Variants in CDH8 observed in about 807,000 individuals in gnomAD.
The protein encoded by CDH8 is cadherin 8.
In CDH8, 17 loss-of-function variants were observed where a neutral mutation model predicts 68.1. The observed-to-expected ratio is 0.25, with a 90% CI of 0.17 to 0.37. The LOEUF is 0.37. Among genes scored for constraint, CDH8 ranks in the 10% least tolerant of loss-of-function variants. CDH8 has a pLI of 1.00. For synonymous variants in CDH8, 372 were observed against 365.1 expected (o/e 1.02, Z -0.21); for missense variants, 763 against 999.3 (o/e 0.76, Z 3.19).
intron 8 of CDH8, among the ~76,000 whole-genome samples, chr16:61,772,020 G>A (rs1464225185): frequency 6.6e-6 from 1 of 151,888 alleles, no homozygotes; most frequent in African/African-American, 2.4e-5. Flanking sequence ...TGAGTGGGCA[G>A]CAGGAGCACT....
At chr16:61,992,430 G>A (rs1965741803) in intron 2 of CDH8, among the ~76,000 whole-genome samples, 1 of 132,956 alleles carries the variant, frequency 7.5e-6, no homozygotes, top group African/African-American at 2.9e-5. Context: ...ATCACCCTCT[G>A]GGGACTGTTG....
chr16:62,002,668 A>AT (rs982178104), intron 2 of CDH8, among the ~76,000 whole-genome samples: 2 of 152,192 alleles, frequency 1.3e-5, no homozygotes, highest in African/African-American at 4.8e-5. Flanking sequence ...AAAATACCCC[A>AT]TTTTTTATAA....
intron 8 of CDH8, among the ~76,000 whole-genome samples, chr16:61,733,383 T>C (rs1007699219): frequency 7.2e-5 from 11 of 151,870 alleles, no homozygotes; most frequent in Admixed American, 3.3e-4. Flanking sequence ...AAGTAAACAG[T>C]GACTTTTTGC....
At chr16:62,001,444 A>T (rs946321648) in intron 2 of CDH8, among the ~76,000 whole-genome samples, 1 of 152,140 alleles carries the variant, frequency 6.6e-6, no homozygotes, top group Admixed American at 6.5e-5. Context: ...ATGTGTGGAT[A>T]TCAACCTGCT....
intron 2 of CDH8, among the ~76,000 whole-genome samples, chr16:61,988,259 G>A (rs905825146): frequency 3.3e-5 from 5 of 152,164 alleles, no homozygotes; most frequent in South Asian, 4.1e-4. Context: ...GCAACACTCC[G>A]TACAGAAAGA....
intron 10 of CDH8, among the ~76,000 whole-genome samples, chr16:61,668,468 T>C (rs919054339): frequency 1.3e-5 from 2 of 152,054 alleles, no homozygotes; most frequent in South Asian, 4.1e-4. Flanking sequence ...AAGACTAATA[T>C]TACTTTCATT....
chr16:61,923,958 C>G (rs1023448299), intron 2 of CDH8, among the ~76,000 whole-genome samples: 1 of 150,582 alleles, frequency 6.6e-6, no homozygotes, highest in Non-Finnish European at 1.5e-5. Context: ...GTATCAGAAT[C>G]ATAAGTAAAA....
intron 3 of CDH8, among the ~76,000 whole-genome samples, chr16:61,886,646 T>C (rs1319366775): frequency 6.6e-6 from 1 of 152,194 alleles, no homozygotes; most frequent in Non-Finnish European, 1.5e-5. Context: ...TCTCTCACTT[T>C]TTCTTGTCTT....
chr16:61,817,088 A>C (rs1962092128), intron 7 of CDH8, among the ~76,000 whole-genome samples: 1 of 152,196 alleles, frequency 6.6e-6, no homozygotes, highest in African/African-American at 2.4e-5. Flanking sequence ...CAAAAGAGAC[A>C]GAGGACAAAC....
chr16:61,846,754 A>C (rs1962814358), intron 4 of CDH8, among the ~76,000 whole-genome samples: 1 of 152,174 alleles, frequency 6.6e-6, no homozygotes, highest in Non-Finnish European at 1.5e-5. Flanking sequence ...ATTTGTGATC[A>C]ATAAATGGTA....
intron 9 of CDH8, among the ~76,000 whole-genome samples, chr16:61,716,771 C>T (rs1964738960): frequency 6.6e-6 from 1 of 151,718 alleles, no homozygotes; most frequent in African/African-American, 2.4e-5. Context: ...TTTGACACTT[C>T]AAAACAGATA....
At position 61,649,976 on chromosome 16, in the gene CDH8, C is replaced by T. The variant is rs974443338; in HGVS notation, c.*3632G>A. On this transcript the variant is annotated 3_prime_UTR_variant, in exon 12 of 12. Coordinates refer to ENST00000577390, the MANE Select transcript of CDH8 (RefSeq NM_001796.5). ...ATTTGTATCTTTCTAAGCATTCTTG[C>T]TTCACTGGTGATACCAGTAAATCTA... The T allele has an allele frequency of 7.9e-5, 12 of 152,160 alleles. No individual in the cohort carries two copies. The East Asian group carries it at 2.3e-3, about 30-fold the overall frequency. The allele number at this position is 152,160 out of a possible 1,614,324, so 9.4% of individuals were successfully genotyped here. A position where few individuals can be genotyped will look rare whatever the true frequency, so the allele number is the denominator to read the frequency against.
intron 2 of CDH8, among the ~76,000 whole-genome samples, chr16:61,926,700 A>C (rs555760643): frequency 6.6e-6 from 1 of 152,318 alleles, no homozygotes; most frequent in Non-Finnish European, 1.5e-5. Context: ...ATTTTGATTC[A>C]ATAGATTCCA....
chr16:62,009,198 T>C (rs1356016604), intron 2 of CDH8, among the ~76,000 whole-genome samples: 1 of 152,176 alleles, frequency 6.6e-6, no homozygotes, highest in Admixed American at 6.5e-5. Context: ...CTCAGAGTAT[T>C]TGCTAAAGGC....
chr16:61,771,742 T>G (rs573106579), intron 8 of CDH8, among the ~76,000 whole-genome samples: 2 of 152,078 alleles, frequency 1.3e-5, no homozygotes, highest in South Asian at 4.2e-4. Flanking sequence ...GTACATCAAC[T>G]CAAGTGAGTT....
At chr16:61,800,174 G>A (rs1309818684) in intron 7 of CDH8, among the ~76,000 whole-genome samples, 2 of 152,158 alleles carry the variant, frequency 1.3e-5, no homozygotes, top group Non-Finnish European at 2.9e-5. Context: ...CAAATGATGT[G>A]CTTATTTACA....
rs1597060224 is a variant in CDH8 at position 61,912,712 on chromosome 16, T to C, written c.253-11239A>G. Among the ~76,000 whole-genome samples, 3 of 152,156 alleles carry C rather than the reference T, an allele frequency of 2.0e-5. No individual in the cohort carries two copies. In the East Asian group the frequency reaches 5.8e-4, roughly 29 times the overall value. ...TATGATCTTGGGCAGGTCACCTACA[T>C]TTTTTAATATTAATTTCCTTTTATT... On this transcript the variant is annotated intron_variant, in intron 2 of 11. Transcript: ENST00000577390.
chr16:61,907,819 C>T (rs1203078388), intron 2 of CDH8, among the ~76,000 whole-genome samples: 2 of 151,912 alleles, frequency 1.3e-5, no homozygotes, highest in Admixed American at 6.5e-5. Context: ...CCCAGGTGGG[C>T]GGATCACGAG....
intron 2 of CDH8, among the ~76,000 whole-genome samples, chr16:62,004,982 C>A (rs1303518949): frequency 6.6e-6 from 1 of 152,156 alleles, no homozygotes; most frequent in African/African-American, 2.4e-5. Flanking sequence ...AAAGATTCTT[C>A]CAAGGCTCTA....
Sources: gnomAD v4.1 joint callset for allele counts (sites outside exome capture counted in the v4.1 genomes callset) on GRCh38, gnomAD v4.1.1 for gene constraint, MANE v1.5 for transcripts, NCBI Gene and HGNC (gene_info 2026-07-23, HGNC 2026-07-21) for gene names.